Variants in WDR76 observed in about 807,000 individuals in gnomAD.
WDR76 encodes WD repeat domain 76, also known as WD repeat-containing protein 76.
WDR76 carries 52 observed loss-of-function variants against 70.2 expected under a neutral mutation model. The observed-to-expected ratio is 0.74, with a 90% confidence interval of 0.59 to 0.93. WDR76 has a LOEUF of 0.93. Among genes scored for constraint, WDR76 ranks in the 40% least tolerant of loss-of-function variants. The probability of loss-of-function intolerance (pLI) is 0.00; values close to 1 mark genes in which losing one functional copy is unlikely to be tolerated. For synonymous variants in WDR76, 292 were observed against 271.1 expected (o/e 1.08, Z -0.76); for missense variants, 756 against 760.2 (o/e 0.99, Z 0.07).
chr15:43,835,657 T>C (rs975179208), intron 3 of WDR76, among the ~76,000 whole-genome samples: 4 of 151,240 alleles, frequency 2.6e-5, no homozygotes, highest in Non-Finnish European at 5.9e-5. Flanking sequence ...TTATTTTTTT[T>C]GTCTTTTTTT....
At chr15:43,840,423 A>C (rs1313367727) in intron 5 of WDR76, among the ~76,000 whole-genome samples, 1 of 152,184 alleles carries the variant, frequency 6.6e-6, no homozygotes, top group South Asian at 2.1e-4. Flanking sequence ...GGGCTTAGTA[A>C]TCAATAGAAT....
intron 2 of WDR76, among the ~76,000 whole-genome samples, chr15:43,830,263 A>G (rs901072255): frequency 1.3e-5 from 2 of 151,946 alleles, no homozygotes; most frequent in Non-Finnish European, 2.9e-5. Flanking sequence ...GGCCTCTTAG[A>G]CTGTAAGATT....
chr15:43,840,468 G>A (rs2087710872), intron 5 of WDR76, among the ~76,000 whole-genome samples: 1 of 152,110 alleles, frequency 6.6e-6, no homozygotes. Flanking sequence ...GTGATAATGT[G>A]TAGTTTTAGT....
Position 43,866,621 on chromosome 15 carries a change from ACTTT to A in WDR76, c.*230_*233del. On this transcript the variant is annotated 3_prime_UTR_variant, in exon 13 of 13. Transcript: ENST00000263795. The stretch of plus-strand genomic sequence containing the variant: ...GAGGGGAGGCTGAGGTGCCGTCAGG[ACTTT>A]TTTTTTTTTTTTTTTTTTGAGATGG... The A allele has an allele frequency of 3.6e-6, 1 of 275,252 alleles. No homozygotes were observed. The highest frequency in any genetic ancestry group is 6.0e-6 in the Non-Finnish European group (1 of 165,806). The allele number at this position is 275,252 out of a possible 1,614,324, so 17.1% of individuals were successfully genotyped here.
At chr15:43,854,290 T>A (rs1407834922) in intron 9 of WDR76, among the ~76,000 whole-genome samples, 1 of 152,050 alleles carries the variant, frequency 6.6e-6, no homozygotes, top group Non-Finnish European at 1.5e-5. Flanking sequence ...AAAGAATAGG[T>A]TGGGCATGGT....
chr15:43,847,941 C>T (rs1184157971), intron 8 of WDR76, among the ~76,000 whole-genome samples: 1 of 152,094 alleles, frequency 6.6e-6, no homozygotes, highest in Non-Finnish European at 1.5e-5. Flanking sequence ...TAAGATCCCT[C>T]ATGCTGGCTG....
Position 43,866,180 on chromosome 15 carries a change from C to G in WDR76, c.1669C>G (p.Pro557Ala), listed in dbSNP as rs775142116. 1 of 1,614,178 alleles carries G rather than the reference C, an allele frequency of 6.2e-7. No individual in the cohort carries two copies. Among genetic ancestry groups the G allele is most frequent in the Non-Finnish European group, 8.5e-7 (1 of 1,180,024 alleles). The change falls in exon 13 of 13, where the codon CCT (proline) becomes GCT (alanine). Residue 557 changes from proline (P) to alanine (A), a missense_variant. By Grantham distance (27) the Pro-to-Ala change is conservative (BLOSUM62 -1). Transcript: ENST00000263795. The stretch of plus-strand genomic sequence containing the variant: ...GACCAGGTTCCAAGCCATGTGGGAT[C>G]CTAAACAAGAAGACTGTGTCATAGT... Reference protein sequence around the residue: ...WLTRFQAMWDPKQEDCVIVGS... With the variant: ...WLTRFQAMWDAKQEDCVIVGS...
chr15:43,856,599 GTTTC>G (rs1224773578), intron 9 of WDR76, among the ~76,000 whole-genome samples: 2 of 145,896 alleles, frequency 1.4e-5, no homozygotes, highest in East Asian at 2.0e-4. Context: ...GTTTTGTTTT[GTTTC>G]TTTTTTTTTT....
intron 12 of WDR76, among the ~76,000 whole-genome samples, chr15:43,865,299 GTC>G (rs1303164357): frequency 7.2e-6 from 1 of 139,312 alleles, no homozygotes; most frequent in Non-Finnish European, 1.6e-5. Context: ...TTGAGACAGA[GTC>G]TCACTCTGTT....
rs201304087 is a variant in WDR76, at chr15:43,832,743, G to GTTTTTTTTTTT, written c.463-2301_463-2291dup. On this transcript the variant is annotated intron_variant, in intron 2 of 12. Transcript: ENST00000263795. ...TGAGCCATTGCACCCGGCTTGCTTT[G>GTTTTTTTTTTT]TTTTTTTTTTTTTTTTTTTTTTTTT... 3.1e-4 allele frequency among the ~76,000 whole-genome samples: 21 copies of GTTTTTTTTTTT among 68,112 alleles called. 5 individuals carry two copies. The highest frequency in any genetic ancestry group is 1.6e-3 in the East Asian group (3 of 1,912). The allele number at this position is 68,112 out of a possible 152,430, so 44.7% of individuals were successfully genotyped here.
intron 2 of WDR76, among the ~76,000 whole-genome samples, chr15:43,834,111 T>C (rs2087626142): frequency 6.6e-6 from 1 of 152,118 alleles, no homozygotes; most frequent in Non-Finnish European, 1.5e-5. Context: ...TAAAAACTAT[T>C]GAGTTCTTAT....
At position 43,866,132 on chromosome 15, in the gene WDR76, A is replaced by C; in HGVS notation, c.1621A>C (p.Asn541His). The C allele has an allele frequency of 1.2e-6, 2 of 1,614,138 alleles. No homozygotes were observed. The highest frequency in any genetic ancestry group is 1.7e-6 in the Non-Finnish European group (2 of 1,179,960). Reference protein sequence around the residue: ...KIPLLTTIRHNTFTGRWLTRF... With the variant: ...KIPLLTTIRHHTFTGRWLTRF... ...ATATATTGTTTTCCTCACTAGGCACAACACTTTCACTGGGCGATGGCTGAC... is the reference window on the plus strand; with the variant it reads ...ATATATTGTTTTCCTCACTAGGCACCACACTTTCACTGGGCGATGGCTGAC... The change falls in exon 13 of 13, where the codon AAC becomes CAC. Residue 541 changes from asparagine (N) to histidine (H), a missense_variant. By Grantham distance (68) the Asn-to-His change is moderately conservative. Transcript: ENST00000263795.
In WDR76 at chr15:43,866,583, G is replaced by C. The variant is rs1215612677; in HGVS notation, c.*191G>C. ...TCTTGGAGGGTTGCTTCTGCAGGACGGGGAGGGAATTTGAGGGGAGGCTGA... is the reference window on the plus strand; with the variant it reads ...TCTTGGAGGGTTGCTTCTGCAGGACCGGGAGGGAATTTGAGGGGAGGCTGA... On this transcript the variant is annotated 3_prime_UTR_variant, in exon 13 of 13. Transcript: ENST00000263795. 7 of 628,874 alleles carry C rather than the reference G, an allele frequency of 1.1e-5. No individual in the cohort carries two copies. Among genetic ancestry groups the C allele is most frequent in the Non-Finnish European group, 1.8e-5 (7 of 389,884 alleles). The allele number at this position is 628,874 out of a possible 1,614,324, so 39.0% of individuals were successfully genotyped here.
chr15:43,845,930 A>G (rs971897483), intron 8 of WDR76, among the ~76,000 whole-genome samples: 2 of 150,378 alleles, frequency 1.3e-5, no homozygotes, highest in Non-Finnish European at 3.0e-5. Context: ...GTTTGAAGAC[A>G]GAAACCAAGT....
chr15:43,866,111 A>C lies in WDR76; in HGVS notation c.1617-17A>C. On this transcript the variant is annotated splice_polypyrimidine_tract_variant and intron_variant, in intron 12 of 12. Coordinates refer to ENST00000263795, the MANE Select transcript of WDR76 (RefSeq NM_024908.4). ...TAACCTTACTTCATTTAAAAAATAT[A>C]TTGTTTTCCTCACTAGGCACAACAC... The C allele has an allele frequency of 1.2e-6, 2 of 1,611,604 alleles. No homozygotes were observed. Among genetic ancestry groups the C allele is most frequent in the South Asian group, 2.2e-5 (2 of 91,024 alleles).
chr15:43,844,160 A>G (rs1465816876), intron 8 of WDR76, 106 bp downstream of exon 8: 3 of 1,096,500 alleles, frequency 2.7e-6, no homozygotes, highest in African/African-American at 1.6e-5. Context: ...GAGACTTACA[A>G]TTTTGGGCTT....
chr15:43,847,482 C>T (rs2087803204), intron 8 of WDR76, among the ~76,000 whole-genome samples: 3 of 151,080 alleles, frequency 2.0e-5, no homozygotes, highest in South Asian at 2.1e-4. Flanking sequence ...CATGCAGTGG[C>T]GTGATCTCTG....
chr15:43,859,656 T>C (rs1012494804), intron 11 of WDR76, among the ~76,000 whole-genome samples: 1 of 152,224 alleles, frequency 6.6e-6, no homozygotes, highest in Non-Finnish European at 1.5e-5. Flanking sequence ...CCAGGTGTTG[T>C]AGGAAGAGAG....
intron 5 of WDR76, among the ~76,000 whole-genome samples, chr15:43,840,902 G>A (rs191340745): frequency 4.6e-5 from 7 of 152,024 alleles, no homozygotes; most frequent in Admixed American, 2.6e-4. Context: ...CATCACTTGA[G>A]ACGTTAATTT....
Sources: allele counts gnomAD v4.1 joint callset (sites outside exome capture counted in the v4.1 genomes callset), GRCh38; gene constraint gnomAD v4.1.1; transcripts MANE v1.5; gene names NCBI Gene and HGNC (gene_info 2026-07-23, HGNC 2026-07-21).